DDX10: variants seen among roughly 807,000 people sequenced by gnomAD.
DDX10 encodes the protein probable ATP-dependent RNA helicase DDX10.
DDX10 carries 74 observed loss-of-function variants against 104.3 expected under a neutral mutation model. The ratio of observed to expected loss-of-function variants is 0.71; its 90% CI spans 0.59 to 0.86. The LOEUF is 0.86. DDX10 is among the 40% of genes least tolerant of loss of function. The probability of loss-of-function intolerance (pLI) is 0.00; values close to 1 mark genes in which losing one functional copy is unlikely to be tolerated. For missense variants in DDX10, 952 were observed against 1,040.0 expected, an observed-to-expected ratio of 0.92 and a Z score of 1.16; for synonymous variants, 351 against 353.4, an observed-to-expected ratio of 0.99 and a Z score of 0.08.
At chr11:108,780,052 C>T (rs1181093443) in intron 13 of DDX10, among the ~76,000 whole-genome samples, 1 of 152,118 alleles carries the variant, frequency 6.6e-6, no homozygotes, top group Non-Finnish European at 1.5e-5. Context: ...AATGGTTGAT[C>T]AAGGATTAAA....
chr11:108,724,579 G>T (rs2094302834), intron 13 of DDX10, among the ~76,000 whole-genome samples: 1 of 152,042 alleles, frequency 6.6e-6, no homozygotes. Context: ...ATCATTTTAA[G>T]TCTGTAGTTA....
intron 13 of DDX10, among the ~76,000 whole-genome samples, chr11:108,785,390 G>T (rs768431372): frequency 4.7e-5 from 7 of 150,372 alleles, no homozygotes; most frequent in Non-Finnish European, 1.0e-4. Flanking sequence ...AAGCTTTTTT[G>T]TTGTTGTTGT....
chr11:108,926,695 A>G (rs995674787), intron 17 of DDX10, among the ~76,000 whole-genome samples: 1 of 152,186 alleles, frequency 6.6e-6, no homozygotes, highest in African/African-American at 2.4e-5. Flanking sequence ...AGCACATTTT[A>G]TGGAATGTAC....
intron 15 of DDX10, among the ~76,000 whole-genome samples, chr11:108,846,912 T>A (rs1862727296): frequency 6.6e-6 from 1 of 152,184 alleles, no homozygotes; most frequent in South Asian, 2.1e-4. Context: ...CCAAAATTCA[T>A]AGCTGCTACT....
At chr11:108,763,962 T>C (rs2094353637) in intron 13 of DDX10, among the ~76,000 whole-genome samples, 1 of 152,174 alleles carries the variant, frequency 6.6e-6, no homozygotes, top group Non-Finnish European at 1.5e-5. Flanking sequence ...CAATTCCAAA[T>C]ATAGAGCTTT....
intron 15 of DDX10, among the ~76,000 whole-genome samples, chr11:108,846,006 T>C (rs1035212013): frequency 6.6e-6 from 1 of 152,228 alleles, no homozygotes; most frequent in Non-Finnish European, 1.5e-5. Context: ...ATCACATTTT[T>C]CATCTACCAA....
intron 12 of DDX10, among the ~76,000 whole-genome samples, chr11:108,720,895 G>T (rs1325666841): frequency 1.4e-5 from 2 of 142,502 alleles, no homozygotes; most frequent in Non-Finnish European, 3.0e-5. Context: ...GCCTGGCCGG[G>T]TTTTTTTTTT....
At chr11:108,865,087 G>T (rs1469941095) in intron 16 of DDX10, among the ~76,000 whole-genome samples, 2 of 152,166 alleles carry the variant, frequency 1.3e-5, no homozygotes, top group African/African-American at 4.8e-5. Context: ...CTCCTTGACG[G>T]GTATACCTGT....
chr11:108,675,678 T>C lies in DDX10; in HGVS notation c.330T>C (p.Leu110=), dbSNP rs2094223956. The C allele has an allele frequency of 6.2e-7, 1 of 1,614,086 alleles. No individual in the cohort carries two copies. The highest frequency in any genetic ancestry group is 8.5e-7 in the Non-Finnish European group (1 of 1,180,042). ...TGGCTTTGCAAGGTAAAGATGTACT[T>C]GGAGCGGCCAAAACTGGATCTGGCA... The part of the protein sequence containing the change: ...IGLALQGKDV[L]GAAKTGSGKT... The change falls in exon 3 of 18, where the codon CTT becomes CTC. Residue 110 remains leucine (L), a synonymous_variant. Transcript: ENST00000322536.
intron 13 of DDX10, among the ~76,000 whole-genome samples, chr11:108,807,246 C>T (rs1417891822): frequency 6.6e-6 from 1 of 152,038 alleles, no homozygotes; most frequent in Non-Finnish European, 1.5e-5. Context: ...TAGTGGAAGT[C>T]ATTGAAGTGG....
intron 9 of DDX10, among the ~76,000 whole-genome samples, chr11:108,701,160 C>T (rs1158470839): frequency 1.3e-5 from 2 of 151,962 alleles, no homozygotes; most frequent in African/African-American, 2.4e-5. Context: ...AGTATAGAAT[C>T]GTCAGACATT....
In DDX10 at chr11:108,707,490, G is replaced by A. The variant is rs572511753; in HGVS notation, c.1322+653G>A. Among the ~76,000 whole-genome samples the A allele has an allele frequency of 1.2e-3, 183 of 151,998 alleles. 2 individuals are homozygous for A. Among genetic ancestry groups the A allele is most frequent in the Non-Finnish European group, 9.1e-4 (62 of 67,994 alleles). ...CTGAATAACATTTCATTGTCTGGAC[G>A]CAACAGTTTTTATTCACCTACTGAA... On this transcript the variant is annotated intron_variant, in intron 10 of 17. Transcript: ENST00000322536.
At chr11:108,834,927 CAAAAAAAAA>C (rs56174572) in intron 13 of DDX10, among the ~76,000 whole-genome samples, 3 of 62,252 alleles carry the variant, frequency 4.8e-5, no homozygotes, top group Admixed American at 2.5e-4. Context: ...GACTCCATCT[CAAAAAAAAA>C]AAAAAAAAAA....
At chr11:108,791,828 ATAGT>A (rs944068466) in intron 13 of DDX10, among the ~76,000 whole-genome samples, 6 of 152,166 alleles carry the variant, frequency 3.9e-5, no homozygotes, top group East Asian at 3.8e-4. Flanking sequence ...TAGTTATATG[ATAGT>A]TAGTGTTTAA....
chr11:108,940,228 T>G lies in DDX10; in HGVS notation c.2451-18T>G. On this transcript the variant is annotated intron_variant, in intron 17 of 17. Coordinates refer to ENST00000322536, the MANE Select transcript of DDX10 (RefSeq NM_004398.4). ...TCATACTGAGTCTAAAGTAAATCTT[T>G]GGATTTCTTCTCACCAGTGATACCA... 6.2e-7 allele frequency: 1 copy of G among 1,611,486 alleles called. No individual in the cohort carries two copies. Among genetic ancestry groups the G allele is most frequent in the Non-Finnish European group, 8.5e-7 (1 of 1,179,016 alleles).
chr11:108,849,250 T>G (rs1300681007), intron 15 of DDX10, among the ~76,000 whole-genome samples: 1 of 152,122 alleles, frequency 6.6e-6, no homozygotes, highest in East Asian at 1.9e-4. Flanking sequence ...GAAAAATAGG[T>G]TATTCTAACA....
Position 108,693,616 on chromosome 11 carries a change from A to G in DDX10, c.1223+16A>G, listed in dbSNP as rs2094255785. On this transcript the variant is annotated intron_variant, in intron 9 of 17. Transcript: ENST00000322536. ...GAACTGCCAGGTAGGTGTACTGACT[A>G]ATTTCTTTTCTTTTGCTACTATCTA... 5 of 1,579,256 alleles carry G rather than the reference A, an allele frequency of 3.2e-6. No homozygotes were observed. The highest frequency in any genetic ancestry group is 4.4e-6 in the Non-Finnish European group (5 of 1,148,760).
chr11:108,750,285 G>C (rs2094336729), intron 13 of DDX10, among the ~76,000 whole-genome samples: 2 of 152,124 alleles, frequency 1.3e-5, no homozygotes, highest in African/African-American at 4.8e-5. Context: ...CCCACTACCA[G>C]CTTATTTAGT....
At chr11:108,784,901 C>T (rs181817073) in intron 13 of DDX10, among the ~76,000 whole-genome samples, 1 of 152,278 alleles carries the variant, frequency 6.6e-6, no homozygotes, top group Admixed American at 6.5e-5. Flanking sequence ...TTTCATTCTT[C>T]TGCATATGGC....
Sources: allele counts gnomAD v4.1 joint callset (sites outside exome capture counted in the v4.1 genomes callset), GRCh38; gene constraint gnomAD v4.1.1; transcripts MANE v1.5; gene names NCBI Gene and HGNC (gene_info 2026-07-23, HGNC 2026-07-21).